LTBP1: variants seen among roughly 807,000 people sequenced by gnomAD.
LTBP1 encodes the protein latent transforming growth factor beta binding protein 1.
In LTBP1, 129 loss-of-function variants were observed where a neutral mutation model predicts 207.6. The observed-to-expected ratio is 0.62, with a 90% CI of 0.54 to 0.72. The LOEUF (loss-of-function observed/expected upper bound fraction) is 0.72. Among genes scored for constraint, LTBP1 ranks in the 30% least tolerant of loss-of-function variants. LTBP1 has a pLI of 0.00. For missense variants in LTBP1, 2,281 were observed against 2,217.2 expected, an observed-to-expected ratio of 1.03 and a Z score of -0.58; for synonymous variants, 963 against 833.7, an observed-to-expected ratio of 1.16 and a Z score of -2.67.
chr2:33,241,838 G>T (rs987480895), intron 9 of LTBP1, among the ~76,000 whole-genome samples: 1 of 152,152 alleles, frequency 6.6e-6, no homozygotes, highest in Non-Finnish European at 1.5e-5. Flanking sequence ...GGTCCTTCAT[G>T]GTGGTTTTCT....
At chr2:33,104,317 C>T (rs2079928592) in intron 3 of LTBP1, among the ~76,000 whole-genome samples, 1 of 152,170 alleles carries the variant, frequency 6.6e-6, no homozygotes, top group Non-Finnish European at 1.5e-5. Context: ...AGCCACACCC[C>T]AGCCTCTGGC....
At chr2:33,379,013 C>T (rs2095179427) in intron 31 of LTBP1, among the ~76,000 whole-genome samples, 1 of 152,052 alleles carries the variant, frequency 6.6e-6, no homozygotes, top group Admixed American at 6.6e-5. Context: ...AAGAAAGAAG[C>T]AGATTACAAA....
At chr2:33,308,051 G>T (rs1396598955) in intron 22 of LTBP1, among the ~76,000 whole-genome samples, 1 of 152,180 alleles carries the variant, frequency 6.6e-6, no homozygotes, top group Non-Finnish European at 1.5e-5. Flanking sequence ...ACAATTATTT[G>T]CAAGAAATGC....
At chr2:33,091,378 C>T (rs1256169788) in intron 3 of LTBP1, among the ~76,000 whole-genome samples, 1 of 152,024 alleles carries the variant, frequency 6.6e-6, no homozygotes, top group Non-Finnish European at 1.5e-5. Context: ...CCTTTGAGTT[C>T]TGGTCTCTCT....
chr2:33,242,655 A>C (rs1389246738), intron 9 of LTBP1, among the ~76,000 whole-genome samples: 1 of 149,990 alleles, frequency 6.7e-6, no homozygotes, highest in African/African-American at 2.5e-5. Flanking sequence ...TGTGTAGTCC[A>C]GTCAAGCACC....
chr2:33,259,808 G>A (rs573354217), intron 13 of LTBP1, among the ~76,000 whole-genome samples, 198 bp downstream of exon 13: 4 of 152,068 alleles, frequency 2.6e-5, no homozygotes, highest in Middle Eastern at 3.4e-3. Flanking sequence ...CTCAGTGTTA[G>A]GAAAACAATA....
chr2:33,124,242 T>C (rs529470357), intron 4 of LTBP1, among the ~76,000 whole-genome samples: 6 of 152,218 alleles, frequency 3.9e-5, no homozygotes, highest in African/African-American at 1.4e-4. Context: ...AACCCCCGTC[T>C]CTACTAAAAA....
chr2:33,394,041 A>G (rs1161447423), intron 32 of LTBP1, among the ~76,000 whole-genome samples: 1 of 152,098 alleles, frequency 6.6e-6, no homozygotes, highest in Non-Finnish European at 1.5e-5. Flanking sequence ...TCTGATGGCC[A>G]GTGATGATGA....
intron 3 of LTBP1, among the ~76,000 whole-genome samples, chr2:33,088,179 C>T (rs886367376): frequency 1.3e-5 from 2 of 152,176 alleles, no homozygotes; most frequent in Admixed American, 6.5e-5. Context: ...GTGAGCCGGG[C>T]GCGGTGGCTC....
At chr2:33,080,975 C>T (rs1009329617) in intron 3 of LTBP1, among the ~76,000 whole-genome samples, 2 of 152,162 alleles carry the variant, frequency 1.3e-5, no homozygotes, top group Non-Finnish European at 2.9e-5. Flanking sequence ...ATATAAGTTT[C>T]ATTTGACATG....
chr2:33,108,641 G>A (rs1242451229), intron 3 of LTBP1, among the ~76,000 whole-genome samples: 3 of 152,112 alleles, frequency 2.0e-5, no homozygotes, highest in Admixed American at 6.5e-5. Flanking sequence ...AGGTGCAGTA[G>A]CCCAAGGTCT....
chr2:33,025,711 A>G (rs1454622386), intron 3 of LTBP1, among the ~76,000 whole-genome samples: 2 of 152,250 alleles, frequency 1.3e-5, no homozygotes, highest in East Asian at 3.8e-4. Context: ...AAGTATTTAC[A>G]GATGAAATGA....
chr2:33,273,627 T>C, intron 15 of LTBP1, 29 bp from the exon 16 acceptor site: 1 of 1,570,996 alleles, frequency 6.4e-7, no homozygotes, highest in Non-Finnish European at 8.6e-7. Context: ...TCTGTGGGTT[T>C]TTTCACATTA....
At position 33,342,909 on chromosome 2, in the gene LTBP1, C is replaced by A. The variant is rs142670219; in HGVS notation, c.3802C>A (p.Arg1268Ser). The A allele has an allele frequency of 6.2e-7, 1 of 1,613,876 alleles. No homozygotes were observed. Among genetic ancestry groups the A allele is most frequent in the African/African-American group, 1.3e-5 (1 of 74,916 alleles). The change falls in exon 25 of 34, where the codon CGC becomes AGC. Residue 1268 changes from arginine to serine, a missense_variant. Arg to Ser is a moderately radical substitution (Grantham distance 110, BLOSUM62 -1). Coordinates refer to ENST00000404816, the MANE Select transcript of LTBP1 (RefSeq NM_206943.4). ...TTGTGACAATACAGCTGGCTCCTTC[C>A]GCTGCCTCTGTTATCAGGGCTTTCA... is the stretch of plus-strand genomic sequence containing the variant. ...GFCDNTAGSF[R>S]CLCYQGFQAP...
intron 5 of LTBP1, among the ~76,000 whole-genome samples, chr2:33,163,495 G>T (rs2084641724): frequency 6.6e-6 from 1 of 152,084 alleles, no homozygotes; most frequent in African/African-American, 2.4e-5. Context: ...GAGCGAGTGG[G>T]GTAGGATGAT....
chr2:33,378,262 G>A (rs1158061383), intron 31 of LTBP1, among the ~76,000 whole-genome samples: 1 of 150,854 alleles, frequency 6.6e-6, no homozygotes, highest in Non-Finnish European at 1.5e-5. Context: ...GTCTCGCTCT[G>A]TTGCCCAGGC....
At chr2:32,954,555 C>G (rs903649994) in intron 2 of LTBP1, among the ~76,000 whole-genome samples, 1 of 151,196 alleles carries the variant, frequency 6.6e-6, no homozygotes, top group African/African-American at 2.4e-5. Flanking sequence ...CCCGCCCCCC[C>G]CCACCAATGA....
chr2:33,186,560 C>T (rs542637261), intron 5 of LTBP1, among the ~76,000 whole-genome samples: 2 of 152,294 alleles, frequency 1.3e-5, no homozygotes, highest in Admixed American at 6.5e-5. Flanking sequence ...AGACAATCAT[C>T]TTGAGTGGCT....
chr2:32,956,184 G>A (rs1402734989), intron 2 of LTBP1, among the ~76,000 whole-genome samples: 1 of 152,124 alleles, frequency 6.6e-6, no homozygotes, highest in Admixed American at 6.5e-5. Context: ...TGGGGTGGCT[G>A]TGACACTTTC....
Sources: gnomAD v4.1 joint callset for allele counts (sites outside exome capture counted in the v4.1 genomes callset) on GRCh38, gnomAD v4.1.1 for gene constraint, MANE v1.5 for transcripts, NCBI Gene and HGNC (gene_info 2026-07-23, HGNC 2026-07-21) for gene names.